Variants in UVRAG observed in about 807,000 individuals in gnomAD.
UVRAG encodes the protein UV radiation resistance associated.
UVRAG carries 19 observed loss-of-function variants against 78.0 expected under a neutral mutation model. That is an observed-to-expected ratio of 0.24 (90% CI 0.17 to 0.36). The LOEUF is 0.36. UVRAG is among the 10% of genes least tolerant of loss of function. The pLI is 1.00. For missense variants in UVRAG, 740 were observed against 853.8 expected (o/e 0.87, Z 1.66); for synonymous variants, 323 against 324.6 (o/e 1.00, Z 0.05).
At chr11:76,057,596 C>A (rs1027518974) in intron 12 of UVRAG, among the ~76,000 whole-genome samples, 1 of 152,092 alleles carries the variant, frequency 6.6e-6, no homozygotes, top group Non-Finnish European at 1.5e-5. Context: ...CCAGTGTAAC[C>A]CCCCACAGCC....
At chr11:75,845,209 A>C (rs1300766012) in intron 1 of UVRAG, among the ~76,000 whole-genome samples, 2 of 152,200 alleles carry the variant, frequency 1.3e-5, no homozygotes, top group Admixed American at 1.3e-4. Flanking sequence ...AGTGTTTCAA[A>C]TATTTTAAAG....
chr11:76,045,831 T>C (rs1950742400), intron 12 of UVRAG, among the ~76,000 whole-genome samples: 1 of 151,562 alleles, frequency 6.6e-6, no homozygotes, highest in Admixed American at 6.6e-5. Context: ...AAAGGGAAGG[T>C]AGGAAGTTAT....
intron 1 of UVRAG, among the ~76,000 whole-genome samples, chr11:75,850,860 C>A (rs1210938872): frequency 1.3e-5 from 2 of 152,140 alleles, no homozygotes; most frequent in Admixed American, 1.3e-4. Flanking sequence ...TAGACAATAA[C>A]CTTCTCTCTC....
intron 12 of UVRAG, among the ~76,000 whole-genome samples, chr11:76,049,686 C>T (rs1464512148): frequency 6.6e-6 from 1 of 152,206 alleles, no homozygotes; most frequent in Non-Finnish European, 1.5e-5. Context: ...TCACCCCTCC[C>T]TCCATTCCAC....
At chr11:76,027,361 A>G (rs145324655) in intron 12 of UVRAG, among the ~76,000 whole-genome samples, 1 of 152,194 alleles carries the variant, frequency 6.6e-6, no homozygotes, top group East Asian at 1.9e-4. Flanking sequence ...TGAAAATGTT[A>G]ATTATTCAAA....
intron 11 of UVRAG, among the ~76,000 whole-genome samples, chr11:76,013,439 T>G (rs1486900193): frequency 6.6e-6 from 1 of 152,176 alleles, no homozygotes; most frequent in Non-Finnish European, 1.5e-5. Flanking sequence ...CTCCAACTTC[T>G]CACTAACAAA....
chr11:76,016,989 C>G lies in UVRAG; in HGVS notation c.1226+9C>G. ...ACGGAAAAGGAGAGAGAGTAAGTGT[C>G]TTTTTTTTAAAAAAATGATTTTAAC... is the stretch of plus-strand genomic sequence containing the variant. On this transcript the variant is annotated intron_variant, in intron 12 of 14. Transcript: ENST00000356136. 1 of 1,570,820 alleles carries G rather than the reference C, an allele frequency of 6.4e-7. No homozygotes were observed. The highest frequency in any genetic ancestry group is 8.6e-7 in the Non-Finnish European group (1 of 1,158,420).
chr11:75,863,081 C>A (rs993468184), intron 3 of UVRAG, among the ~76,000 whole-genome samples: 2 of 152,294 alleles, frequency 1.3e-5, no homozygotes, highest in African/African-American at 4.8e-5. Context: ...CAATCTAGAC[C>A]TTCTGTCTTT....
intron 4 of UVRAG, among the ~76,000 whole-genome samples, chr11:75,881,532 A>G (rs1328203763): frequency 1.3e-5 from 2 of 152,196 alleles, no homozygotes; most frequent in Admixed American, 1.3e-4. Context: ...GAATGGGAGG[A>G]AGGGCCCCCA....
intron 12 of UVRAG, among the ~76,000 whole-genome samples, chr11:76,049,332 A>G (rs1440251208): frequency 1.3e-5 from 2 of 152,208 alleles, no homozygotes; most frequent in South Asian, 4.1e-4. Context: ...TAATAGGACT[A>G]TGGAAGTTAC....
Position 75,852,008 on chromosome 11 carries a change from G to A in UVRAG, c.235+8G>A, listed in dbSNP as rs764140813. ...CTGAAAAGATATATAAAGGTAAGGG[G>A]ATCTGTGGCCTTACTACCCACAGAT... On this transcript the variant is annotated splice_region_variant and intron_variant, in intron 2 of 14. Transcript: ENST00000356136. The A allele has an allele frequency of 6.5e-7, 1 of 1,546,486 alleles. No individual in the cohort carries two copies. Among genetic ancestry groups the A allele is most frequent in the Non-Finnish European group, 8.8e-7 (1 of 1,133,462 alleles).
chr11:75,856,526 C>T (rs1325732663), intron 2 of UVRAG, among the ~76,000 whole-genome samples: 2 of 151,688 alleles, frequency 1.3e-5, no homozygotes, highest in African/African-American at 4.8e-5. Context: ...CTCACTATAG[C>T]CTCAACCTTT....
intron 12 of UVRAG, among the ~76,000 whole-genome samples, chr11:76,030,385 T>C (rs1420511688): frequency 6.6e-6 from 1 of 152,068 alleles, no homozygotes; most frequent in Non-Finnish European, 1.5e-5. Context: ...ATATATCCAG[T>C]GTATGTCTGT....
At chr11:75,947,523 T>C (rs1037079482) in intron 6 of UVRAG, among the ~76,000 whole-genome samples, 3 of 152,134 alleles carry the variant, frequency 2.0e-5, no homozygotes, top group Non-Finnish European at 2.9e-5. Context: ...CAACCTGATA[T>C]ATAAGGGGAG....
At chr11:75,959,559 T>C (rs1739450897) in intron 6 of UVRAG, among the ~76,000 whole-genome samples, 1 of 152,296 alleles carries the variant, frequency 6.6e-6, no homozygotes, top group East Asian at 1.9e-4. Context: ...TAAGAGAAGG[T>C]TGTGGCTGGT....
At chr11:75,923,003 C>CATATATATATATATATATAT (rs147448761) in intron 6 of UVRAG, among the ~76,000 whole-genome samples, 2 of 138,772 alleles carry the variant, frequency 1.4e-5, no homozygotes, top group African/African-American at 5.3e-5. Flanking sequence ...TATATTTTTT[C>CATATATATATATATATATAT]ATATATATAT....
At chr11:76,058,426 G>A (rs1244068634) in intron 12 of UVRAG, among the ~76,000 whole-genome samples, 1 of 151,566 alleles carries the variant, frequency 6.6e-6, no homozygotes, top group Non-Finnish European at 1.5e-5. Flanking sequence ...CCAGCTACCT[G>A]GGAGACTGAG....
intron 10 of UVRAG, 140 bp downstream of exon 10, chr11:76,007,761 T>TA (rs780232159): frequency 2.4e-5 from 16 of 674,052 alleles, no homozygotes; most frequent in African/African-American, 3.6e-5. Context: ...AATGTCTATT[T>TA]AAAACATAGA....
chr11:75,975,551 G>A (rs1949221696), intron 7 of UVRAG, among the ~76,000 whole-genome samples: 1 of 152,118 alleles, frequency 6.6e-6, no homozygotes, highest in Admixed American at 6.5e-5. Flanking sequence ...TTGAGCAGTG[G>A]TTTGTAATTC....
Sources: allele counts gnomAD v4.1 joint callset (sites outside exome capture counted in the v4.1 genomes callset), GRCh38; gene constraint gnomAD v4.1.1; transcripts MANE v1.5; gene names NCBI Gene and HGNC (gene_info 2026-07-23, HGNC 2026-07-21).